Variants in ERBB4 observed in about 807,000 individuals in gnomAD.
ERBB4 encodes the protein erb-b2 receptor tyrosine kinase 4.
In ERBB4, 42 loss-of-function variants were observed where a neutral mutation model predicts 158.0. The ratio of observed to expected loss-of-function variants is 0.27; its 90% confidence interval spans 0.21 to 0.34. ERBB4 has a LOEUF of 0.34. ERBB4 is among the 10% of genes least tolerant of loss of function. The probability of loss-of-function intolerance (pLI) is 1.00; values close to 1 mark genes in which losing one functional copy is unlikely to be tolerated. For missense variants in ERBB4, 1,333 were observed against 1,624.1 expected (o/e 0.82, Z 3.08); for synonymous variants, 583 against 558.7 (o/e 1.04, Z -0.61).
At chr2:211,774,314 C>T (rs1343104002) in intron 4 of ERBB4, among the ~76,000 whole-genome samples, 3 of 152,050 alleles carry the variant, frequency 2.0e-5, no homozygotes, top group Admixed American at 6.6e-5. Context: ...TCAGGTGATG[C>T]CCCTGCCTCG....
chr2:211,827,221 C>T (rs1348337188), intron 3 of ERBB4, among the ~76,000 whole-genome samples: 1 of 151,970 alleles, frequency 6.6e-6, no homozygotes, highest in Non-Finnish European at 1.5e-5. Flanking sequence ...TCATTATCTC[C>T]AGCTCTGATT....
At position 211,387,960 on chromosome 2, in the gene ERBB4, G is replaced by A. The variant is rs1574389424; in HGVS notation, c.3168C>T (p.Tyr1056=). Residue 1056 remains tyrosine (Y), a synonymous_variant, in exon 26 of 28, where the codon TAC becomes TAT. Coordinates refer to ENST00000342788, the MANE Select transcript of ERBB4 (RefSeq NM_005235.3). ...SEIGHSPPPA[Y]TPMSGNQFVY... is the part of the protein sequence containing the mutation. ...AAATACTTACTCCTGACATGGGGGT[G>A]TAGGCAGGAGGAGGGCTGTGTCCAA... 2.5e-6 allele frequency: 4 copies of A among 1,609,074 alleles called. No homozygotes were observed. Among genetic ancestry groups the A allele is most frequent in the East Asian group, 2.2e-5 (1 of 44,854 alleles).
chr2:212,330,698 T>A (rs922518654), intron 1 of ERBB4, among the ~76,000 whole-genome samples: 7 of 152,062 alleles, frequency 4.6e-5, no homozygotes, highest in Admixed American at 2.0e-4. Flanking sequence ...CTATCAACCC[T>A]CCCCATTCAC....
chr2:212,112,669 C>G (rs1395855220), intron 2 of ERBB4, among the ~76,000 whole-genome samples: 1 of 152,070 alleles, frequency 6.6e-6, no homozygotes, highest in Non-Finnish European at 1.5e-5. Flanking sequence ...TCATCACTTA[C>G]AAAATGTGAA....
At chr2:212,409,971 T>C (rs902427360) in intron 1 of ERBB4, among the ~76,000 whole-genome samples, 2 of 151,972 alleles carry the variant, frequency 1.3e-5, no homozygotes. Context: ...CTGAAATAAA[T>C]CCAGGCTTCA....
rs556281634 is a variant in ERBB4 at position 211,624,677 on chromosome 2, A to G, written c.2080-633T>C. 2.0e-4 allele frequency among the ~76,000 whole-genome samples: 30 copies of G among 152,338 alleles called. 1 individual carries two copies. The highest frequency in any genetic ancestry group is 6.5e-4 in the African/African-American group (27 of 41,584). ...TGATTCTGCATCATAAGTGAATGCT[A>G]TGAAATGCAAGGCATCAAACAACTA... On this transcript the variant is annotated intron_variant, in intron 17 of 27. Coordinates refer to ENST00000342788, the MANE Select transcript of ERBB4 (RefSeq NM_005235.3).
intron 19 of ERBB4, among the ~76,000 whole-genome samples, chr2:211,611,870 A>T (rs115257209): frequency 0.021 from 3,135 of 152,170 alleles, 100 homozygotes; most frequent in African/African-American, 0.072. Context: ...ACAGGCAAGC[A>T]CTCACAAGAT....
intron 20 of ERBB4, among the ~76,000 whole-genome samples, chr2:211,503,863 C>A (rs1490887162): frequency 6.6e-6 from 1 of 152,122 alleles, no homozygotes; most frequent in African/African-American, 2.4e-5. Context: ...CTGTGAAGGC[C>A]AGTGCTTGCA....
At chr2:212,051,184 G>A (rs1165913228) in intron 2 of ERBB4, among the ~76,000 whole-genome samples, 1 of 152,096 alleles carries the variant, frequency 6.6e-6, no homozygotes, top group Non-Finnish European at 1.5e-5. Context: ...TATTTGGGTT[G>A]TATCAGAGTC....
At chr2:212,332,624 A>G (rs2106298140) in intron 1 of ERBB4, among the ~76,000 whole-genome samples, 1 of 152,076 alleles carries the variant, frequency 6.6e-6, no homozygotes, top group African/African-American at 2.4e-5. Context: ...GACTCTTTCC[A>G]AGCGTTCTGG....
chr2:212,135,471 CTT>C (rs1230196123), intron 1 of ERBB4, among the ~76,000 whole-genome samples: 4 of 152,052 alleles, frequency 2.6e-5, no homozygotes, highest in Admixed American at 6.6e-5. Context: ...TAACAACTAA[CTT>C]ATAACTGCAT....
chr2:211,492,382 A>G (rs967523613), intron 20 of ERBB4, among the ~76,000 whole-genome samples: 6 of 152,106 alleles, frequency 3.9e-5, no homozygotes, highest in Non-Finnish European at 7.4e-5. Context: ...TGCATTTATA[A>G]GTTTCATTTT....
chr2:211,655,598 C>T (rs2071182667), intron 16 of ERBB4, among the ~76,000 whole-genome samples: 1 of 152,144 alleles, frequency 6.6e-6, no homozygotes, highest in African/African-American at 2.4e-5. Flanking sequence ...CTAACTAGTC[C>T]ACTGGAATAA....
intron 5 of ERBB4, among the ~76,000 whole-genome samples, chr2:211,749,916 G>A (rs749821326): frequency 5.3e-5 from 8 of 151,842 alleles, no homozygotes; most frequent in Non-Finnish European, 8.8e-5. Context: ...ACTTGTATAG[G>A]ACATTTTATT....
intron 2 of ERBB4, 23 bp downstream of exon 2, chr2:212,124,729 G>C (rs746812363): frequency 6.2e-7 from 1 of 1,613,804 alleles, no homozygotes. Context: ...TCACAAAGAA[G>C]AGAAAGAAAG....
chr2:211,730,526 C>G (rs763372845), intron 5 of ERBB4, among the ~76,000 whole-genome samples: 1 of 151,874 alleles, frequency 6.6e-6, no homozygotes, highest in African/African-American at 2.4e-5. Flanking sequence ...TTCCTCTAAC[C>G]AGTGGTTCTG....
intron 3 of ERBB4, among the ~76,000 whole-genome samples, chr2:211,843,415 GCACACACA>G (rs10673889): frequency 6.7e-6 from 1 of 149,824 alleles, no homozygotes; most frequent in Non-Finnish European, 1.5e-5. Context: ...GCGTGCGTGT[GCACACACA>G]CACACACACA....
intron 1 of ERBB4, among the ~76,000 whole-genome samples, chr2:212,336,853 T>C (rs1446031045): frequency 6.6e-6 from 1 of 152,006 alleles, no homozygotes; most frequent in Non-Finnish European, 1.5e-5. Flanking sequence ...CAAGCTCTAA[T>C]GCACCTGTGA....
intron 25 of ERBB4, among the ~76,000 whole-genome samples, chr2:211,396,898 T>A (rs2125342604): frequency 6.6e-6 from 1 of 152,302 alleles, no homozygotes; most frequent in South Asian, 2.1e-4. Flanking sequence ...GGCACAGCTG[T>A]TGCCGTAAGT....
Sources: gnomAD v4.1 joint callset for allele counts (sites outside exome capture counted in the v4.1 genomes callset) on GRCh38, gnomAD v4.1.1 for gene constraint, MANE v1.5 for transcripts, NCBI Gene and HGNC (gene_info 2026-07-23, HGNC 2026-07-21) for gene names.